CACNA1C: variants seen among roughly 807,000 people sequenced by gnomAD.
The protein encoded by CACNA1C is calcium voltage-gated channel subunit alpha1 C.
A neutral mutation model predicts 229.0 loss-of-function variants in CACNA1C; 30 were observed. The ratio of observed to expected loss-of-function variants is 0.13; its 90% CI spans 0.10 to 0.18. The LOEUF (loss-of-function observed/expected upper bound fraction) is 0.18. Ranked by LOEUF, CACNA1C falls within the 10% of genes least tolerant of loss-of-function variation. The probability of loss-of-function intolerance (pLI) is 1.00; values close to 1 mark genes in which losing one functional copy is unlikely to be tolerated. For synonymous variants in CACNA1C, 1,114 were observed against 1,132.5 expected (o/e 0.98, Z 0.33); for missense variants, 1,658 against 2,845.0 (o/e 0.58, Z 9.49).
chr12:2,274,019 G>T (rs762811773), intron 3 of CACNA1C, among the ~76,000 whole-genome samples: 1 of 152,214 alleles, frequency 6.6e-6, no homozygotes, highest in African/African-American at 2.4e-5. Context: ...TGTCCAGCAC[G>T]CGGCAGGAGC....
At chr12:2,550,212 G>A (rs957207264) in intron 10 of CACNA1C, among the ~76,000 whole-genome samples, 179 bp downstream of exon 10, 1 of 152,186 alleles carries the variant, frequency 6.6e-6, no homozygotes, top group African/African-American at 2.4e-5. Context: ...TGGGGTGAGG[G>A]TGGCCCTGGC....
chr12:2,259,692 C>T (rs1009623585), intron 3 of CACNA1C, among the ~76,000 whole-genome samples: 3 of 152,246 alleles, frequency 2.0e-5, no homozygotes, highest in African/African-American at 7.2e-5. Flanking sequence ...AGGAGCTATA[C>T]GTTTTGTTTT....
chr12:1,976,026 C>G (rs2034245101), intron 1 of CACNA1C, among the ~76,000 whole-genome samples: 1 of 152,082 alleles, frequency 6.6e-6, no homozygotes, highest in Admixed American at 6.6e-5. Flanking sequence ...AATACGAAAT[C>G]CAGAGATACC....
chr12:2,212,817 C>T (rs910360306), intron 3 of CACNA1C, among the ~76,000 whole-genome samples: 3 of 152,104 alleles, frequency 2.0e-5, no homozygotes, highest in African/African-American at 7.2e-5. Context: ...ATGGAGCTTA[C>T]AGTCTGGTGG....
intron 7 of CACNA1C, among the ~76,000 whole-genome samples, chr12:2,499,942 C>A (rs139221800): frequency 6.6e-6 from 1 of 152,104 alleles, no homozygotes; most frequent in Non-Finnish European, 1.5e-5. Context: ...ACTCAGCTGT[C>A]CCCCCAAAGT....
intron 8 of CACNA1C, among the ~76,000 whole-genome samples, chr12:2,505,260 G>C (rs2099769072): frequency 6.6e-6 from 1 of 152,212 alleles, no homozygotes; most frequent in South Asian, 2.1e-4. Context: ...GAACAGGCCT[G>C]GGTAAGAAAA....
At chr12:2,580,760 A>C (rs1006290556) in intron 13 of CACNA1C, among the ~76,000 whole-genome samples, 13 of 152,176 alleles carry the variant, frequency 8.5e-5, no homozygotes, top group African/African-American at 3.1e-4. Flanking sequence ...CTGAAAGCCC[A>C]TGTCCCCTCA....
Position 2,601,695 on chromosome 12 carries a change from T to C in CACNA1C, c.2854-159T>C, listed in dbSNP as rs1472977051. Among the ~76,000 whole-genome samples, 1 of 152,162 alleles carries C rather than the reference T, an allele frequency of 6.6e-6. No individual in the cohort carries two copies. Among genetic ancestry groups the C allele is most frequent in the Non-Finnish European group, 1.5e-5 (1 of 68,030 alleles). On this transcript the variant is annotated intron_variant, in intron 21 of 46. Coordinates refer to ENST00000399655, the MANE Select transcript of CACNA1C (RefSeq NM_000719.7). This position sits in a 1 kb window ranked among gnomAD's most constrained non-coding sequence, Gnocchi z 5.9. ...GGTTGTGTGCATGGTAGCAGAACTC[T>C]TTTCTTGGCACCATAGCGCCGTCTT...
chr12:2,119,308 T>A (rs1256009229), intron 2 of CACNA1C, among the ~76,000 whole-genome samples: 1 of 152,168 alleles, frequency 6.6e-6, no homozygotes, highest in Non-Finnish European at 1.5e-5. Flanking sequence ...TTCCTCCTCC[T>A]CCTCCTGTGA....
chr12:2,183,403 CTT>C (rs898079628), intron 3 of CACNA1C, among the ~76,000 whole-genome samples: 3 of 152,228 alleles, frequency 2.0e-5, no homozygotes, highest in Non-Finnish European at 2.9e-5. Context: ...GGAATGGTCT[CTT>C]AAACACAAAG....
At chr12:2,004,385 A>T (rs770383084) in intron 1 of CACNA1C, 1 of 1,612,676 alleles carries the variant, frequency 6.2e-7, no homozygotes, top group African/African-American at 1.3e-5. Flanking sequence ...CGCTAGGCTG[A>T]TGTCGCGCCC....
chr12:2,637,762 C>G (rs1181202005), intron 30 of CACNA1C, among the ~76,000 whole-genome samples: 15 of 152,244 alleles, frequency 9.9e-5, no homozygotes. Context: ...TTTAGTCATC[C>G]TCTCATCACA....
Position 2,287,225 on chromosome 12 carries a change from G to A in CACNA1C, c.478-161751G>A, listed in dbSNP as rs1377625194. On this transcript the variant is annotated intron_variant, in intron 3 of 46. Coordinates refer to ENST00000399655, the MANE Select transcript of CACNA1C (RefSeq NM_000719.7). This position sits in a 1 kb window ranked among gnomAD's most constrained non-coding sequence, Gnocchi z 4.6. ...CATTTTTCCCAAGGAATATTCTAGA[G>A]GAAGGGTTTCTGGGAATGACCTTCC... 6.6e-6 allele frequency among the ~76,000 whole-genome samples: 1 copy of A among 152,224 alleles called. No individual in the cohort carries two copies. Among genetic ancestry groups the A allele is most frequent in the African/African-American group, 2.4e-5 (1 of 41,466 alleles).
intron 29 of CACNA1C, among the ~76,000 whole-genome samples, chr12:2,631,226 C>A (rs1373362225): frequency 6.6e-6 from 1 of 152,174 alleles, no homozygotes; most frequent in Non-Finnish European, 1.5e-5. Context: ...GATGAAGATT[C>A]CAACTCATCC....
intron 26 of CACNA1C, 147 bp downstream of exon 26, chr12:2,607,277 C>A: frequency 1.4e-6 from 1 of 732,728 alleles, no homozygotes; most frequent in Non-Finnish European, 2.2e-6. Context: ...AGGTGTATTT[C>A]TAGAACTTAC....
chr12:2,309,371 G>A (rs2095290912), intron 3 of CACNA1C, among the ~76,000 whole-genome samples: 1 of 152,124 alleles, frequency 6.6e-6, no homozygotes, highest in Non-Finnish European at 1.5e-5. Flanking sequence ...AGATGGGGAA[G>A]GGTTATAAAC....
intron 3 of CACNA1C, among the ~76,000 whole-genome samples, chr12:2,359,131 A>G (rs2239057): frequency 0.12 from 17,800 of 152,200 alleles, 2,145 homozygotes; most frequent in African/African-American, 0.3. Context: ...TTAAACAGAT[A>G]CCATTGTCAG....
chr12:2,042,077 A>G (rs753455732), intron 1 of CACNA1C, among the ~76,000 whole-genome samples: 1 of 152,244 alleles, frequency 6.6e-6, no homozygotes, highest in Non-Finnish European at 1.5e-5. Context: ...AAAGTTTCCA[A>G]TAAAATATAA....
At chr12:2,556,247 A>T (rs1490025272) in intron 10 of CACNA1C, among the ~76,000 whole-genome samples, 11 of 151,956 alleles carry the variant, frequency 7.2e-5, no homozygotes, top group Admixed American at 7.2e-4. Flanking sequence ...TACATGACCT[A>T]GGGAGCCTCA....
Sources: gnomAD v4.1 joint callset for allele counts (sites outside exome capture counted in the v4.1 genomes callset) on GRCh38, gnomAD v4.1.1 for gene constraint, Gnocchi (gnomAD v3.1) non-coding constraint, MANE v1.5 for transcripts, NCBI Gene and HGNC (gene_info 2026-07-23, HGNC 2026-07-21) for gene names.